The following MICB variants were observed in gnomAD, a reference collection of about 807,000 sequenced individuals.
MICB encodes the protein MHC class I antigen-related protein B.
In MICB, 27 loss-of-function variants were observed where a neutral mutation model predicts 34.3. The observed-to-expected ratio is 0.79, with a 90% CI of 0.58 to 1.08. MICB has a LOEUF of 1.08. Ranked by LOEUF, MICB falls within the 50% of genes least tolerant of loss-of-function variation. The pLI is 0.00. For missense variants in MICB, 426 were observed against 483.1 expected, an observed-to-expected ratio of 0.88 and a Z score of 1.11; for synonymous variants, 153 against 187.4, an observed-to-expected ratio of 0.82 and a Z score of 1.50.
chr6:31,497,913 C>T (rs1486545604), upstream of MICB, among the ~76,000 whole-genome samples: 1 of 152,186 alleles, frequency 6.6e-6, no homozygotes, highest in African/African-American at 2.4e-5. Context: ...CTACTCGGGG[C>T]TGGTCCTTGA....
chr6:31,496,200 C>T (rs527954045), upstream of MICB, among the ~76,000 whole-genome samples: 357 of 131,270 alleles, frequency 2.7e-3, 15 homozygotes, highest in East Asian at 0.052. Flanking sequence ...AGCCAATTCT[C>T]TTAGTAGAGG....
At position 31,498,245 on chromosome 6, in the gene MICB, C is replaced by G. The variant is rs764262714; in HGVS notation, c.52C>G (p.Pro18Ala). 2 of 1,575,896 alleles carry G rather than the reference C, an allele frequency of 1.3e-6. No individual in the cohort carries two copies. The change falls in exon 1 of 6, where the codon CCC becomes GCC. Residue 18 changes from proline to alanine, a missense_variant. By Grantham distance (27) the Pro-to-Ala change is conservative (BLOSUM62 -1). Transcript: ENST00000252229. ...LFLAVAFPFA[P>A]PAAAAEPHSL... ...TCTGGCCGTCGCCTTCCCTTTTGCA[C>G]CCCCGGCAGCCGCCGCTGGTGAGTG...
At chr6:31,500,568 C>T (rs1435036913) in intron 1 of MICB, among the ~76,000 whole-genome samples, 1 of 152,082 alleles carries the variant, frequency 6.6e-6, no homozygotes, top group Admixed American at 6.5e-5. Context: ...TATTTTTGTA[C>T]CCATTAACCA....
rs1764784520 is a variant in MICB, at chr6:31,498,244, A to AC, written c.56dup (p.Ala20GlyfsTer5). 2 of 1,568,244 alleles carry AC rather than the reference A, an allele frequency of 1.3e-6. No homozygotes were observed. The highest frequency in any genetic ancestry group is 2.7e-5 in the African/African-American group (2 of 73,052). ...TTCTGGCCGTCGCCTTCCCTTTTGC[A>AC]CCCCCGGCAGCCGCCGCTGGTGAGT... On this transcript the variant is annotated frameshift_variant, in exon 1 of 6. Coordinates refer to ENST00000252229, the MANE Select transcript of MICB (RefSeq NM_005931.5). LOFTEE classifies it high-confidence loss of function.
Position 31,498,221 on chromosome 6 carries a change from C to A in MICB, c.28C>A (p.Leu10Met). The part of the protein sequence containing the change: MGLGRVLLF[L>M]AVAFPFAPPA... ...GGGGCTGGGCCGGGTCCTGCTGTTT[C>A]TGGCCGTCGCCTTCCCTTTTGCACC... Residue 10 changes from leucine to methionine, a missense_variant, in exon 1 of 6, where the codon CTG becomes ATG. Leu to Met is a conservative substitution (Grantham distance 15). Transcript: ENST00000252229. 2 of 1,586,156 alleles carry A rather than the reference C, an allele frequency of 1.3e-6. No individual in the cohort carries two copies. Among genetic ancestry groups the A allele is most frequent in the Non-Finnish European group, 1.7e-6 (2 of 1,164,562 alleles).
At position 31,507,226 on chromosome 6, in the gene MICB, G is replaced by A. The variant is rs751152310; in HGVS notation, c.818G>A (p.Arg273His). 9 of 1,614,076 alleles carry A rather than the reference G, an allele frequency of 5.6e-6. No homozygotes were observed. Among genetic ancestry groups the A allele is most frequent in the South Asian group, 5.5e-5 (5 of 91,070 alleles). The change falls in exon 4 of 6, where the codon CGC (arginine) becomes CAC (histidine). Residue 273 changes from arginine (R) to histidine (H), a missense_variant. Coordinates refer to ENST00000252229, the MANE Select transcript of MICB (RefSeq NM_005931.5). The surrounding 1 kb of genome is among the most constrained non-coding windows in gnomAD (Gnocchi z 6.0). ...CAGACCTGGGTGGCCACCAGGATTC[G>A]CCAAGGAGAGGAGCAGAGGTTCACC... is the stretch of plus-strand genomic sequence containing the variant. ...TYQTWVATRI[R>H]QGEEQRFTCY... is the part of the protein sequence containing the mutation.
Position 31,498,255 on chromosome 6 carries a change from C to G in MICB, c.62C>G (p.Ala21Gly), listed in dbSNP as rs2150276674. The change falls in exon 1 of 6, where the codon GCC (alanine) becomes GGC (glycine). Residue 21 changes from alanine (A) to glycine (G), a missense_variant. Physicochemically the swap from Ala to Gly is moderately conservative, Grantham distance 60. Coordinates refer to ENST00000252229, the MANE Select transcript of MICB (RefSeq NM_005931.5). ...GCCTTCCCTTTTGCACCCCCGGCAG[C>G]CGCCGCTGGTGAGTGGGGTTCCTGG... is the stretch of plus-strand genomic sequence containing the variant. Reference protein sequence around the residue: ...AVAFPFAPPAAAAEPHSLRYN... With the variant: ...AVAFPFAPPAGAAEPHSLRYN... 6.4e-7 allele frequency: 1 copy of G among 1,571,676 alleles called. No individual in the cohort carries two copies. The highest frequency in any genetic ancestry group is 1.1e-5 in the South Asian group (1 of 88,602).
At chr6:31,506,839 C>T (rs563735940) in intron 3 of MICB, among the ~76,000 whole-genome samples, 183 bp from the exon 4 acceptor site, 8 of 152,296 alleles carry the variant, frequency 5.3e-5, no homozygotes, top group African/African-American at 1.9e-4. Context: ...AGGCCACAGT[C>T]CCAAGGCCCA....
At chr6:31,500,368 G>C (rs28720987) in intron 1 of MICB, among the ~76,000 whole-genome samples, 22,668 of 151,900 alleles carry the variant, frequency 0.15, 1,888 homozygotes, top group Admixed American at 0.24. Flanking sequence ...GGGATATTTT[G>C]ACACAGGCCT....
At chr6:31,509,593 A>G (rs1765549032) in intron 5 of MICB, among the ~76,000 whole-genome samples, 189 bp from the exon 6 acceptor site, 1 of 152,046 alleles carries the variant, frequency 6.6e-6, no homozygotes, top group African/African-American at 2.4e-5. Context: ...GCTGATGTTG[A>G]TGGAGTGATG....
At chr6:31,506,930 C>T in intron 3 of MICB, 92 bp from the exon 4 acceptor site, 10 of 1,537,346 alleles carry the variant, frequency 6.5e-6, no homozygotes, top group African/African-American at 1.4e-5. Flanking sequence ...GGGATTCAGC[C>T]AGAGTGAGAA....
rs1278975576 is a variant in MICB at position 31,507,146 on chromosome 6, G to C, written c.738G>C (p.Leu246Phe). Residue 246 changes from leucine (L) to phenylalanine (F), a missense_variant, in exon 4 of 6, where the codon TTG becomes TTC. Leu to Phe is a conservative substitution (Grantham distance 22). Coordinates refer to ENST00000252229, the MANE Select transcript of MICB (RefSeq NM_005931.5). This position sits in a 1 kb window ranked among gnomAD's most constrained non-coding sequence, Gnocchi z 6.0. ...CCTGGCGTCAGGATGGGGTATCTTT[G>C]AGCCACAACACCCAGCAGTGGGGGG... ...TLTWRQDGVS[L>F]SHNTQQWGDV... 1 of 1,614,016 alleles carries C rather than the reference G, an allele frequency of 6.2e-7. No individual in the cohort carries two copies. Among genetic ancestry groups the C allele is most frequent in the Non-Finnish European group, 8.5e-7 (1 of 1,180,022 alleles).
At chr6:31,501,621 A>G (rs1440323342) in intron 1 of MICB, among the ~76,000 whole-genome samples, 2 of 152,166 alleles carry the variant, frequency 1.3e-5, no homozygotes, top group Non-Finnish European at 2.9e-5. Context: ...GTGGTGAGAG[A>G]TAGGGTCCAG....
chr6:31,496,287 G>C (rs1764650989), upstream of MICB, among the ~76,000 whole-genome samples: 1 of 152,162 alleles, frequency 6.6e-6, no homozygotes, highest in South Asian at 2.1e-4. Context: ...AAAGTGTACA[G>C]ATCAGTGGCT....
At position 31,509,407 on chromosome 6, in the gene MICB, G is replaced by C. The variant is rs138924536; in HGVS notation, c.1025-375G>C. On this transcript the variant is annotated intron_variant, in intron 5 of 5. Transcript: ENST00000252229. ...CCCTGGTGTGCAGGTGCCTCTGCAG[G>C]AGAGAAGGGCCTGGGGACTGAGAGC... is the stretch of plus-strand genomic sequence containing the variant. Among the ~76,000 whole-genome samples, 1,173 of 152,276 alleles carry C rather than the reference G, an allele frequency of 7.7e-3. 7 individuals are homozygous for C. The highest frequency in any genetic ancestry group is 0.011 in the Non-Finnish European group (747 of 68,020).
chr6:31,498,137 C>A, upstream of MICB: 1 of 1,441,924 alleles, frequency 6.9e-7, no homozygotes, highest in Admixed American at 2.0e-5. Context: ...GGTCTTCTCA[C>A]GGGTTTCATT....
At chr6:31,498,072 G>A, upstream of MICB, 1 of 706,934 alleles carries the variant, frequency 1.4e-6, no homozygotes, top group Non-Finnish European at 2.1e-6. Flanking sequence ...CCGGGCCTCA[G>A]TTTTCACTGG....
chr6:31,506,313 A>C lies in MICB; in HGVS notation c.496A>C (p.Thr166Pro). The change falls in exon 3 of 6, where the codon ACA (threonine) becomes CCA (proline). Residue 166 changes from threonine (T) to proline (P), a missense_variant. Physicochemically the swap from Thr to Pro is conservative, Grantham distance 38 (BLOSUM62 -1). Transcript: ENST00000252229. ...SRAQTLAMNV[T>P]NFWKEDAMKT... ...AGCTCAGACCTTGGCTATGAACGTC[A>C]CAAATTTCTGGAAGGAAGATGCCAT... 1 of 1,614,234 alleles carries C rather than the reference A, an allele frequency of 6.2e-7. No individual in the cohort carries two copies. The highest frequency in any genetic ancestry group is 8.5e-7 in the Non-Finnish European group (1 of 1,180,038).
chr6:31,507,008 C>T lies in MICB; in HGVS notation c.614-14C>T. 5 of 1,609,068 alleles carry T rather than the reference C, an allele frequency of 3.1e-6. No individual in the cohort carries two copies. In the South Asian group the frequency reaches 4.4e-5, roughly 14 times the overall value. ...GGGAGCAGGGCTTCACTGGCTCTGC[C>T]CTTTCTTCTCCAGTGCCCCCCATGG... On this transcript the variant is annotated splice_polypyrimidine_tract_variant and intron_variant, in intron 3 of 5. Coordinates refer to ENST00000252229, the MANE Select transcript of MICB (RefSeq NM_005931.5). The surrounding 1 kb of genome is among the most constrained non-coding windows in gnomAD (Gnocchi z 6.0).
Sources: gnomAD v4.1 joint callset for allele counts (sites outside exome capture counted in the v4.1 genomes callset) on GRCh38, gnomAD v4.1.1 for gene constraint, Gnocchi (gnomAD v3.1) non-coding constraint, MANE v1.5 for transcripts, NCBI Gene and HGNC (gene_info 2026-07-23, HGNC 2026-07-21) for gene names.